Variants in RNF150 observed in about 807,000 individuals in gnomAD.
The protein encoded by RNF150 is ring finger protein 150.
Under a neutral mutation model 39.3 loss-of-function variants are expected in RNF150, and 24 were observed. The observed-to-expected ratio is 0.61, with a 90% CI of 0.44 to 0.86. RNF150 has a LOEUF of 0.86. Ranked by LOEUF, RNF150 falls within the 40% of genes least tolerant of loss-of-function variation. RNF150 has a pLI of 0.00. For missense variants in RNF150, 502 were observed against 587.8 expected, an observed-to-expected ratio of 0.85 and a Z score of 1.51; for synonymous variants, 255 against 227.3, an observed-to-expected ratio of 1.12 and a Z score of -1.10.
At chr4:140,988,981 C>T (rs1196027616) in intron 1 of RNF150, among the ~76,000 whole-genome samples, 8 of 152,138 alleles carry the variant, frequency 5.3e-5, no homozygotes, top group Non-Finnish European at 1.0e-4. Context: ...GGAAGGGGAA[C>T]ATCACACACC....
intron 2 of RNF150, among the ~76,000 whole-genome samples, chr4:140,966,051 T>C (rs757025233): frequency 8.5e-5 from 13 of 152,136 alleles, no homozygotes; most frequent in Admixed American, 2.6e-4. Flanking sequence ...AAAAGATTAA[T>C]ACACCAGGTG....
intron 1 of RNF150, among the ~76,000 whole-genome samples, chr4:141,141,170 C>T (rs976665396): frequency 2.6e-5 from 4 of 152,168 alleles, no homozygotes; most frequent in Non-Finnish European, 5.9e-5. Context: ...TTCCCATAAG[C>T]CAGGTCCTGT....
chr4:140,920,586 T>G (rs11100693), intron 5 of RNF150, among the ~76,000 whole-genome samples: 48,181 of 105,748 alleles, frequency 0.46, 12,064 homozygotes, highest in East Asian at 0.85. Context: ...TACACTGTTG[T>G]TGGGACTATA....
At chr4:141,027,033 G>A (rs186913860) in intron 1 of RNF150, among the ~76,000 whole-genome samples, 46 of 152,286 alleles carry the variant, frequency 3.0e-4, no homozygotes, top group African/African-American at 8.9e-4. Flanking sequence ...TCCTTACAGC[G>A]ACTTTTCTAG....
chr4:140,932,875 A>C (rs1287339180), intron 4 of RNF150, among the ~76,000 whole-genome samples: 1 of 152,242 alleles, frequency 6.6e-6, no homozygotes, highest in African/African-American at 2.4e-5. Context: ...TGTTTGAGAT[A>C]GTGACTGCTT....
chr4:141,041,709 C>A (rs1309840826), intron 1 of RNF150, among the ~76,000 whole-genome samples: 1 of 151,728 alleles, frequency 6.6e-6, no homozygotes, highest in Non-Finnish European at 1.5e-5. Flanking sequence ...ATGATATGCC[C>A]AAAAATATTT....
intron 1 of RNF150, among the ~76,000 whole-genome samples, chr4:141,162,292 T>C (rs983311923): frequency 1.3e-4 from 20 of 152,166 alleles, no homozygotes; most frequent in African/African-American, 4.8e-4. Context: ...CTGCTGGGTT[T>C]TGGACTTGCA....
At chr4:140,951,832 A>T (rs1003829660) in intron 2 of RNF150, among the ~76,000 whole-genome samples, 12 of 152,024 alleles carry the variant, frequency 7.9e-5, no homozygotes, top group Non-Finnish European at 1.5e-5. Context: ...ACAAACAAAT[A>T]CTGTTTTTCT....
chr4:141,198,312 C>T (rs546141626), intron 1 of RNF150, among the ~76,000 whole-genome samples: 84 of 152,304 alleles, frequency 5.5e-4, no homozygotes, highest in Non-Finnish European at 1.1e-3. Flanking sequence ...CAGCCATGAG[C>T]CACCATGCCC....
chr4:141,160,064 A>G (rs1727484733), intron 1 of RNF150, among the ~76,000 whole-genome samples: 1 of 152,184 alleles, frequency 6.6e-6, no homozygotes, highest in South Asian at 2.1e-4. Context: ...GCACCTGGTA[A>G]GAAATGCAAA....
At chr4:141,143,507 C>T (rs1166014093) in intron 1 of RNF150, among the ~76,000 whole-genome samples, 3 of 152,192 alleles carry the variant, frequency 2.0e-5, no homozygotes, top group Non-Finnish European at 4.4e-5. Context: ...CACCTTAGTT[C>T]AGTCCACCAG....
In RNF150 at chr4:140,894,250, T is replaced by C. The variant is rs566223020; in HGVS notation, c.1198+16894A>G. ...TCAAAATAGGCATTAATAAATCTTA[T>C]GCTAAATCACCAACATCTTTTGGTA... On this transcript the variant is annotated intron_variant, in intron 6 of 6. Transcript: ENST00000515673. Among the ~76,000 whole-genome samples the C allele has an allele frequency of 7.9e-5, 12 of 152,346 alleles. No individual in the cohort carries two copies. In the South Asian group the frequency reaches 2.5e-3, roughly 32 times the overall value.
intron 1 of RNF150, chr4:141,053,705 G>A (rs1475426086): frequency 7.0e-7 from 1 of 1,418,920 alleles, no homozygotes; most frequent in Admixed American, 2.6e-5. Flanking sequence ...ATCAGCTTCA[G>A]GGGCTGGGCA....
chr4:140,909,867 G>A (rs1578953675), intron 6 of RNF150, among the ~76,000 whole-genome samples: 1 of 152,122 alleles, frequency 6.6e-6, no homozygotes, highest in East Asian at 1.9e-4. Flanking sequence ...AACTTTGCAT[G>A]TGCAGATATT....
At chr4:140,874,799 C>A (rs2111190976) in intron 6 of RNF150, among the ~76,000 whole-genome samples, 1 of 152,272 alleles carries the variant, frequency 6.6e-6, no homozygotes, top group Middle Eastern at 3.4e-3. Flanking sequence ...GAGCAATTCT[C>A]CTGCCTCAGT....
intron 6 of RNF150, among the ~76,000 whole-genome samples, chr4:140,883,872 T>C (rs1729463808): frequency 6.6e-6 from 1 of 152,212 alleles, no homozygotes; most frequent in Admixed American, 6.5e-5. Context: ...AGAAGCTCTT[T>C]GACCCTTTCT....
At chr4:140,954,297 C>T (rs1218366404) in intron 2 of RNF150, among the ~76,000 whole-genome samples, 1 of 152,136 alleles carries the variant, frequency 6.6e-6, no homozygotes, top group Non-Finnish European at 1.5e-5. Context: ...TCACTGCAGC[C>T]TCTGCTTCTC....
rs577115910 is a variant in RNF150, at chr4:140,893,869, A to G, written c.1198+17275T>C. Among the ~76,000 whole-genome samples the G allele has an allele frequency of 2.0e-5, 3 of 152,374 alleles. No individual in the cohort carries two copies. The East Asian group carries it at 5.8e-4, about 29-fold the overall frequency. On this transcript the variant is annotated intron_variant, in intron 6 of 6. Transcript: ENST00000515673. ...AAAACTGAAAAACTAGCAATTTTCT[A>G]GTATTAGGAATGCAAAATCTAAGAC...
chr4:140,889,802 A>T (rs1358265758), intron 6 of RNF150, among the ~76,000 whole-genome samples: 2 of 152,082 alleles, frequency 1.3e-5, no homozygotes, highest in Non-Finnish European at 2.9e-5. Context: ...TTTATTTTTG[A>T]TAATTGAATC....
Sources: gnomAD v4.1 joint callset for allele counts (sites outside exome capture counted in the v4.1 genomes callset) on GRCh38, gnomAD v4.1.1 for gene constraint, MANE v1.5 for transcripts, NCBI Gene and HGNC (gene_info 2026-07-23, HGNC 2026-07-21) for gene names.